Variants in DOCK2 observed in about 807,000 individuals in gnomAD.
DOCK2 encodes the protein dedicator of cytokinesis protein 2.
Under a neutral mutation model 248.9 loss-of-function variants are expected in DOCK2, and 87 were observed. The observed-to-expected ratio is 0.35, with a 90% CI of 0.29 to 0.42. The LOEUF is 0.42. DOCK2 is among the 10% of genes least tolerant of loss of function. The pLI, the probability that DOCK2 is intolerant of heterozygous loss-of-function variation, is 1.00. For missense variants in DOCK2, 1,747 were observed against 2,300.2 expected, an observed-to-expected ratio of 0.76 and a Z score of 4.92; for synonymous variants, 805 against 821.6, an observed-to-expected ratio of 0.98 and a Z score of 0.35.
At chr5:169,953,870 T>C (rs947666550) in intron 27 of DOCK2, among the ~76,000 whole-genome samples, 1 of 152,238 alleles carries the variant, frequency 6.6e-6, no homozygotes, top group Admixed American at 6.5e-5. Context: ...ACTTACTTGT[T>C]CCGAGTTAGT....
At chr5:169,677,473 C>T (rs888671187) in intron 6 of DOCK2, among the ~76,000 whole-genome samples, 3 of 152,150 alleles carry the variant, frequency 2.0e-5, no homozygotes, top group African/African-American at 7.2e-5. Context: ...ATAAACCCCA[C>T]CCCAAAGTGT....
chr5:169,820,995 A>C (rs2113234810), intron 26 of DOCK2, among the ~76,000 whole-genome samples: 1 of 152,366 alleles, frequency 6.6e-6, no homozygotes, highest in Middle Eastern at 3.4e-3. Flanking sequence ...TAGCCGATTC[A>C]ATCAACTGGA....
chr5:169,817,942 A>T (rs1004983085), intron 26 of DOCK2, among the ~76,000 whole-genome samples: 14 of 152,262 alleles, frequency 9.2e-5, no homozygotes, highest in Non-Finnish European at 1.6e-4. Context: ...ACTCAGTGGA[A>T]TCCAGTGAGA....
intron 27 of DOCK2, among the ~76,000 whole-genome samples, chr5:169,903,827 G>C (rs113409402): frequency 0.021 from 3,117 of 151,996 alleles, 97 homozygotes; most frequent in South Asian, 0.068. Context: ...AAACTGGGCG[G>C]AGTGGCTCAT....
At chr5:169,802,178 T>C (rs1767039349) in intron 25 of DOCK2, among the ~76,000 whole-genome samples, 2 of 152,188 alleles carry the variant, frequency 1.3e-5, no homozygotes, top group South Asian at 4.1e-4. Flanking sequence ...CTTTCTTTTT[T>C]TGAGATGCAG....
intron 2 of DOCK2, among the ~76,000 whole-genome samples, chr5:169,654,910 G>A (rs920873820): frequency 3.3e-5 from 5 of 152,206 alleles, no homozygotes; most frequent in African/African-American, 1.2e-4. Context: ...CCCAGCCCAG[G>A]GAGCAGGAGC....
At chr5:170,052,435 C>T (rs1489722104) in intron 41 of DOCK2, among the ~76,000 whole-genome samples, 2 of 152,122 alleles carry the variant, frequency 1.3e-5, no homozygotes, top group East Asian at 3.9e-4. Flanking sequence ...ACAACATCTC[C>T]CCTGGTTCAG....
In DOCK2 at chr5:169,705,983, T is replaced by C. The variant is rs143871167; in HGVS notation, c.1384-2186T>C. ...TGGGGATAGGCAATGTAGAAAATTA[T>C]GGAACAGTGTTATTTGAGATATATA... On this transcript the variant is annotated intron_variant, in intron 14 of 51. Coordinates refer to ENST00000520908, the MANE Select transcript of DOCK2 (RefSeq NM_004946.3). Among the ~76,000 whole-genome samples the C allele has an allele frequency of 1.8e-4, 28 of 152,360 alleles. No individual in the cohort carries two copies. In the East Asian group the frequency reaches 4.8e-3, roughly 26 times the overall value.
chr5:169,865,129 C>A (rs1343189898), intron 27 of DOCK2, among the ~76,000 whole-genome samples: 1 of 152,176 alleles, frequency 6.6e-6, no homozygotes, highest in East Asian at 1.9e-4. Flanking sequence ...TTCCTCAATA[C>A]AGTGTATTTA....
chr5:169,751,000 C>T (rs2113701913), intron 23 of DOCK2, among the ~76,000 whole-genome samples: 1 of 152,302 alleles, frequency 6.6e-6, no homozygotes, highest in South Asian at 2.1e-4. Context: ...CACATCGTTT[C>T]AGCTTTCTCG....
At chr5:169,818,194 G>C (rs1011810736) in intron 26 of DOCK2, among the ~76,000 whole-genome samples, 2 of 152,296 alleles carry the variant, frequency 1.3e-5, no homozygotes, top group East Asian at 3.9e-4. Context: ...ATTGCCTGAA[G>C]AGTGTGGAGG....
chr5:169,811,524 C>T (rs1343583418), intron 26 of DOCK2, among the ~76,000 whole-genome samples: 2 of 152,200 alleles, frequency 1.3e-5, no homozygotes, highest in African/African-American at 4.8e-5. Flanking sequence ...GAGATCACTG[C>T]ACCTTCTGCT....
At chr5:169,855,738 CA>C (rs1770855216) in intron 27 of DOCK2, among the ~76,000 whole-genome samples, 1 of 152,194 alleles carries the variant, frequency 6.6e-6, no homozygotes, top group East Asian at 1.9e-4. Context: ...TTGGACATTA[CA>C]AGATGAGGAA....
chr5:169,780,153 G>T (rs1240515822), intron 25 of DOCK2, among the ~76,000 whole-genome samples: 2 of 152,118 alleles, frequency 1.3e-5, no homozygotes, highest in African/African-American at 4.8e-5. Context: ...AGAAGCATGT[G>T]GCTCTTGCCC....
chr5:169,896,313 G>A (rs900919048), intron 27 of DOCK2, among the ~76,000 whole-genome samples: 10 of 152,212 alleles, frequency 6.6e-5, no homozygotes, highest in African/African-American at 2.4e-4. Flanking sequence ...CCCATGTGGA[G>A]TGGCTGGGGG....
Position 169,660,267 on chromosome 5 carries a change from G to A in DOCK2, c.127+5781G>A, listed in dbSNP as rs10067061. On this transcript the variant is annotated intron_variant, in intron 2 of 51. Coordinates refer to ENST00000520908, the MANE Select transcript of DOCK2 (RefSeq NM_004946.3). ...GAGAATTGCTTGAGCCCAGGAGTTC[G>A]AGGCTGCAGTGAGGCATGATCATGC... Among the ~76,000 whole-genome samples, 923 of 152,202 alleles carry A rather than the reference G, an allele frequency of 6.1e-3. 17 individuals carry two copies. Among genetic ancestry groups the A allele is most frequent in the African/African-American group, 0.021 (882 of 41,512 alleles).
chr5:169,846,985 A>G (rs1197746916), intron 27 of DOCK2, among the ~76,000 whole-genome samples: 2 of 152,192 alleles, frequency 1.3e-5, no homozygotes, highest in Non-Finnish European at 2.9e-5. Flanking sequence ...CTTCACTTAG[A>G]ATAATGGCCT....
At chr5:169,644,452 G>A (rs1757336252) in intron 1 of DOCK2, among the ~76,000 whole-genome samples, 1 of 152,048 alleles carries the variant, frequency 6.6e-6, no homozygotes, top group Admixed American at 6.6e-5. Context: ...TGGAATGGAT[G>A]TGGGTATGAG....
rs1248677918 is a variant in DOCK2, at chr5:170,082,898, GGA to G, written c.*42_*43del. On this transcript the variant is annotated 3_prime_UTR_variant, in exon 52 of 52. Transcript: ENST00000520908. ...GGGCTGCATGGGAGAGCCAGGGAGG[GGA>G]GTTTCTGGAAGAGGAAAGCCATGCG... 6.2e-7 allele frequency: 1 copy of G among 1,613,608 alleles called. No individual in the cohort carries two copies. The highest frequency in any genetic ancestry group is 8.5e-7 in the Non-Finnish European group (1 of 1,179,672).
Sources: allele counts gnomAD v4.1 joint callset (sites outside exome capture counted in the v4.1 genomes callset), GRCh38; gene constraint gnomAD v4.1.1; transcripts MANE v1.5; gene names NCBI Gene and HGNC (gene_info 2026-07-23, HGNC 2026-07-21).